RALGPS1: variants seen among roughly 807,000 people sequenced by gnomAD.
RALGPS1 encodes the protein Ral GEF with PH domain and SH3 binding motif 1, also known as ras-specific guanine nucleotide-releasing factor RalGPS1.
In RALGPS1, 19 loss-of-function variants were observed where a neutral mutation model predicts 78.8. The ratio of observed to expected loss-of-function variants is 0.24; its 90% CI spans 0.17 to 0.35. RALGPS1 has a LOEUF of 0.35. RALGPS1 is among the 10% of genes least tolerant of loss of function. The pLI, the probability that RALGPS1 is intolerant of heterozygous loss-of-function variation, is 1.00. For missense variants in RALGPS1, 454 were observed against 688.3 expected (o/e 0.66, Z 3.81); for synonymous variants, 228 against 256.3 (o/e 0.89, Z 1.06).
intron 8 of RALGPS1, among the ~76,000 whole-genome samples, chr9:127,120,246 A>G (rs1042795337): frequency 9.2e-5 from 14 of 152,240 alleles, no homozygotes; most frequent in Admixed American, 5.2e-4. Flanking sequence ...GGGGAGATCA[A>G]TAGGCAGACA....
chr9:126,984,944 CAGTT>C (rs1013148482), intron 4 of RALGPS1, among the ~76,000 whole-genome samples: 2 of 152,202 alleles, frequency 1.3e-5, no homozygotes, highest in African/African-American at 4.8e-5. Flanking sequence ...AGCTAGTAAA[CAGTT>C]ATTTTTTAAA....
chr9:127,127,542 G>A (rs2056707598), intron 8 of RALGPS1, among the ~76,000 whole-genome samples: 1 of 152,152 alleles, frequency 6.6e-6, no homozygotes, highest in Admixed American at 6.5e-5. Context: ...GTTGGGAAAT[G>A]TCAACCCCAA....
chr9:127,088,791 G>C (rs549546469), intron 8 of RALGPS1: 1 of 867,872 alleles, frequency 1.2e-6, no homozygotes, highest in Admixed American at 2.4e-5. Context: ...TCCATCATCC[G>C]CTGCAGTGAC....
chr9:126,947,769 A>G (rs1272028010), intron 1 of RALGPS1, among the ~76,000 whole-genome samples: 1 of 152,178 alleles, frequency 6.6e-6, no homozygotes, highest in East Asian at 1.9e-4. Flanking sequence ...GGGTTGAGCT[A>G]CAGGTGACTT....
At chr9:127,108,030 G>T in intron 8 of RALGPS1, 4 of 1,603,484 alleles carry the variant, frequency 2.5e-6, no homozygotes, top group Non-Finnish European at 3.4e-6. Flanking sequence ...AGATCTGGTT[G>T]ATGATGCGGT....
intron 13 of RALGPS1, among the ~76,000 whole-genome samples, chr9:127,197,302 C>T (rs2061396349): frequency 6.6e-6 from 1 of 152,154 alleles, no homozygotes; most frequent in Non-Finnish European, 1.5e-5. Flanking sequence ...CAGGTGGGCA[C>T]CGCCCTGTTA....
intron 8 of RALGPS1, among the ~76,000 whole-genome samples, chr9:127,114,120 C>A (rs926222215): frequency 1.3e-5 from 2 of 152,220 alleles, no homozygotes; most frequent in African/African-American, 4.8e-5. Flanking sequence ...CAACAGCCCT[C>A]GGAAGGCGGC....
chr9:126,993,784 G>A (rs62580788), intron 4 of RALGPS1, among the ~76,000 whole-genome samples: 57,254 of 151,886 alleles, frequency 0.38, 12,635 homozygotes, highest in Non-Finnish European at 0.48. Flanking sequence ...CCCCCAGTAG[G>A]GGCGGACTGA....
chr9:126,995,178 CAA>C (rs1335953879), intron 4 of RALGPS1, among the ~76,000 whole-genome samples: 1 of 152,082 alleles, frequency 6.6e-6, no homozygotes, highest in African/African-American at 2.4e-5. Context: ...TCACACATAA[CAA>C]TATTAACTTT....
At chr9:127,140,765 A>G (rs985804643) in intron 8 of RALGPS1, among the ~76,000 whole-genome samples, 1 of 152,222 alleles carries the variant, frequency 6.6e-6, no homozygotes, top group Non-Finnish European at 1.5e-5. Context: ...TGGTAGAGAC[A>G]TTTAAGATAC....
chr9:127,156,481 G>GA (rs1426308474), intron 8 of RALGPS1, among the ~76,000 whole-genome samples: 18 of 152,054 alleles, frequency 1.2e-4, no homozygotes, highest in African/African-American at 4.3e-4. Flanking sequence ...GTATAAATGG[G>GA]AAAAAATATC....
rs1168312708 is a variant in RALGPS1, at chr9:127,211,438, T to A, written c.1248-693T>A. Among the ~76,000 whole-genome samples the A allele has an allele frequency of 6.6e-6, 1 of 152,156 alleles. No individual in the cohort carries two copies. The highest frequency in any genetic ancestry group is 1.5e-5 in the Non-Finnish European group (1 of 68,020). On this transcript the variant is annotated intron_variant, in intron 14 of 18. Coordinates refer to ENST00000259351, the MANE Select transcript of RALGPS1 (RefSeq NM_014636.3). The surrounding 1 kb of genome is among the most constrained non-coding windows in gnomAD (Gnocchi z 5.0). ...TTAGTGCCTGATCCCCAGTGCATCC[T>A]TGGGATTGATTAGGTTGCAGGGGCA...
chr9:126,990,325 T>C (rs1206203413), intron 4 of RALGPS1: 4 of 254,978 alleles, frequency 1.6e-5, no homozygotes, highest in Non-Finnish European at 2.2e-5. Context: ...TTTTCATGTC[T>C]CCTCACATTG....
rs534952000 is a variant in RALGPS1 at position 127,205,261 on chromosome 9, G to C, written c.1247+6195G>C. Among the ~76,000 whole-genome samples, 11 of 152,300 alleles carry C rather than the reference G, an allele frequency of 7.2e-5. No homozygotes were observed. The East Asian group carries it at 2.1e-3, about 29-fold the overall frequency. ...GAGCCTGCAGCCTCTTCAGGTCCCAGGCCCCCCGTCGAGGGATCACTAGGG... is the reference window on the plus strand; with the variant it reads ...GAGCCTGCAGCCTCTTCAGGTCCCACGCCCCCCGTCGAGGGATCACTAGGG... On this transcript the variant is annotated intron_variant, in intron 14 of 18. Transcript: ENST00000259351. The surrounding 1 kb of genome is among the most constrained non-coding windows in gnomAD (Gnocchi z 4.0).
intron 8 of RALGPS1, among the ~76,000 whole-genome samples, chr9:127,086,863 C>A (rs2051811483): frequency 6.6e-6 from 1 of 152,128 alleles, no homozygotes. Flanking sequence ...GATGGAGACT[C>A]CTGGTCTGGA....
intron 8 of RALGPS1, among the ~76,000 whole-genome samples, chr9:127,104,158 C>T (rs1464186316): frequency 2.6e-5 from 4 of 152,168 alleles, no homozygotes; most frequent in African/African-American, 4.8e-5. Flanking sequence ...ATAAAGTGAA[C>T]TGGTTGTATT....
At chr9:127,140,451 G>A (rs1245806918) in intron 8 of RALGPS1, among the ~76,000 whole-genome samples, 2 of 152,230 alleles carry the variant, frequency 1.3e-5, no homozygotes, top group East Asian at 3.8e-4. Flanking sequence ...GGGGCACCCA[G>A]CACTTGAGAC....
At chr9:127,058,815 C>A (rs1355858117) in intron 7 of RALGPS1, among the ~76,000 whole-genome samples, 2 of 152,168 alleles carry the variant, frequency 1.3e-5, no homozygotes, top group African/African-American at 2.4e-5. Flanking sequence ...TGCACACATA[C>A]GTACATTCTC....
intron 8 of RALGPS1, among the ~76,000 whole-genome samples, chr9:127,106,256 G>T (rs35688381): frequency 0.37 from 56,494 of 151,622 alleles, 12,280 homozygotes; most frequent in Non-Finnish European, 0.48. Context: ...GGTGCCCAAG[G>T]GCACGTTTTA....
Sources: allele counts gnomAD v4.1 joint callset (sites outside exome capture counted in the v4.1 genomes callset), GRCh38; gene constraint gnomAD v4.1.1; non-coding constraint Gnocchi (gnomAD v3.1); transcripts MANE v1.5; gene names NCBI Gene and HGNC (gene_info 2026-07-23, HGNC 2026-07-21).